Variants in PLEKHH2 observed in about 807,000 individuals in gnomAD.
The protein encoded by PLEKHH2 is pleckstrin homology domain-containing family H member 2.
Under a neutral mutation model 187.9 loss-of-function variants are expected in PLEKHH2, and 129 were observed. The ratio of observed to expected loss-of-function variants is 0.69; its 90% CI spans 0.59 to 0.79. The LOEUF (loss-of-function observed/expected upper bound fraction) is 0.79. Ranked by LOEUF, PLEKHH2 falls within the 30% of genes least tolerant of loss-of-function variation. The probability of loss-of-function intolerance (pLI) is 0.00; values close to 1 mark genes in which losing one functional copy is unlikely to be tolerated. For missense variants in PLEKHH2, 2,076 were observed against 1,751.2 expected (o/e 1.19, Z -3.31); for synonymous variants, 686 against 605.6 (o/e 1.13, Z -1.95).
intron 17 of PLEKHH2, among the ~76,000 whole-genome samples, 173 bp downstream of exon 17, chr2:43,726,624 G>A (rs1206783042): frequency 6.6e-6 from 1 of 152,130 alleles, no homozygotes; most frequent in African/African-American, 2.4e-5. Context: ...GTTCAAATAT[G>A]TCATTTTCTA....
At chr2:43,695,925 G>A (rs1669069326) in intron 6 of PLEKHH2, among the ~76,000 whole-genome samples, 1 of 152,108 alleles carries the variant, frequency 6.6e-6, no homozygotes, top group African/African-American at 2.4e-5. Flanking sequence ...ATTAATTGAG[G>A]GTAGCTCTGA....
chr2:43,707,353 T>C, intron 10 of PLEKHH2, 48 bp from the exon 11 acceptor site: 1 of 1,603,992 alleles, frequency 6.2e-7, no homozygotes, highest in Non-Finnish European at 8.5e-7. Flanking sequence ...CTTGGATGAG[T>C]GGTAACATTA....
chr2:43,651,350 A>C (rs1018154588), intron 2 of PLEKHH2, among the ~76,000 whole-genome samples: 1 of 152,186 alleles, frequency 6.6e-6, no homozygotes, highest in African/African-American at 2.4e-5. Flanking sequence ...TATAGGCGTG[A>C]GCCACCGCGC....
intron 1 of PLEKHH2, among the ~76,000 whole-genome samples, 194 bp from the exon 2 acceptor site, chr2:43,644,477 A>T (rs922329635): frequency 1.3e-5 from 2 of 152,098 alleles, no homozygotes; most frequent in African/African-American, 4.8e-5. Context: ...CCTATTTCCC[A>T]TTAAGTTCTT....
At chr2:43,715,735 T>TA (rs1670180970) in intron 15 of PLEKHH2, among the ~76,000 whole-genome samples, 1 of 152,160 alleles carries the variant, frequency 6.6e-6, no homozygotes, top group Non-Finnish European at 1.5e-5. Context: ...GGAGCAGTTT[T>TA]AGGAAGATTA....
chr2:43,710,405 C>A, intron 13 of PLEKHH2, 75 bp downstream of exon 13: 1 of 1,583,968 alleles, frequency 6.3e-7, no homozygotes, highest in Non-Finnish European at 8.6e-7. Flanking sequence ...ATTTCCTTCC[C>A]ATAATGCAAG....
Position 43,684,744 on chromosome 2 carries a change from T to A in PLEKHH2, c.186+5819T>A, listed in dbSNP as rs971838981. ...TGAGGATGTTGGGTATAAAGTTATT[T>A]AATTCTATGTGCTATATCTTTAAGC... On this transcript the variant is annotated intron_variant, in intron 3 of 29. Transcript: ENST00000282406. 2.6e-5 allele frequency among the ~76,000 whole-genome samples: 4 copies of A among 151,390 alleles called. 1 individual carries two copies. The highest frequency in any genetic ancestry group is 2.6e-4 in the Admixed American group (4 of 15,178).
rs952713065 is a variant in PLEKHH2 at position 43,720,775 on chromosome 2, A to G, written c.2541+26A>G. Reference sequence around the variant, plus strand: ...GTATGTATGTATTTTTAATATGCCAATTGAAGTAACTTTTTGTGTGTTAGG... The same window carrying G: ...GTATGTATGTATTTTTAATATGCCAGTTGAAGTAACTTTTTGTGTGTTAGG... On this transcript the variant is annotated intron_variant, in intron 16 of 29. Coordinates refer to ENST00000282406, the MANE Select transcript of PLEKHH2 (RefSeq NM_172069.4). 3.2e-6 allele frequency: 5 copies of G among 1,585,730 alleles called. No individual in the cohort carries two copies. The African/African-American group carries it at 4.1e-5, about 13-fold the overall frequency.
chr2:43,637,309 G>A lies in PLEKHH2; in HGVS notation c.-74G>A, dbSNP rs1290050323. 1 of 152,450 alleles carries A rather than the reference G, an allele frequency of 6.6e-6. No individual in the cohort carries two copies. The highest frequency in any genetic ancestry group is 1.5e-5 in the Non-Finnish European group (1 of 68,214). 9.4% of individuals were successfully genotyped at this position (152,450 alleles called of 1,614,324 possible). Reference sequence around the variant, plus strand: ...GAGGCGGGCGCGGGCTGAGAGTCCGGGGATCCCGGGGGCCAGTCGCGGCCG... The same window carrying A: ...GAGGCGGGCGCGGGCTGAGAGTCCGAGGATCCCGGGGGCCAGTCGCGGCCG... On this transcript the variant is annotated 5_prime_UTR_variant, in exon 1 of 30. Transcript: ENST00000282406.
At chr2:43,695,703 G>A (rs1669052146) in intron 6 of PLEKHH2, among the ~76,000 whole-genome samples, 1 of 152,104 alleles carries the variant, frequency 6.6e-6, no homozygotes, top group Admixed American at 6.6e-5. Flanking sequence ...AGAACACAGG[G>A]GACTTTACCA....
chr2:43,641,661 A>G (rs1665937019), intron 1 of PLEKHH2, among the ~76,000 whole-genome samples: 1 of 152,106 alleles, frequency 6.6e-6, no homozygotes, highest in Non-Finnish European at 1.5e-5. Flanking sequence ...ATTTTGTGTT[A>G]CTGTGTATAT....
At chr2:43,696,397 A>G (rs559178273) in intron 6 of PLEKHH2, among the ~76,000 whole-genome samples, 1 of 150,872 alleles carries the variant, frequency 6.6e-6, no homozygotes, top group East Asian at 2.0e-4. Flanking sequence ...GTGAGGTGGG[A>G]GGATCACTTG....
intron 7 of PLEKHH2, among the ~76,000 whole-genome samples, chr2:43,699,023 T>C: frequency 6.6e-6 from 1 of 152,300 alleles, no homozygotes; most frequent in East Asian, 1.9e-4. Flanking sequence ...AACTATAGCT[T>C]TGTATTTATT....
intron 16 of PLEKHH2, among the ~76,000 whole-genome samples, chr2:43,724,651 T>C (rs1670648928): frequency 6.6e-6 from 1 of 152,254 alleles, no homozygotes; most frequent in Admixed American, 6.5e-5. Context: ...CCTCCTTTAC[T>C]GGCATTTGGG....
At chr2:43,706,215 C>A (rs9678037) in intron 9 of PLEKHH2, 107 bp from the exon 10 acceptor site, 4 of 789,408 alleles carry the variant, frequency 5.1e-6, no homozygotes, top group East Asian at 2.5e-5. Context: ...ATGTATTAAT[C>A]GAATTGCTTT....
intron 3 of PLEKHH2, among the ~76,000 whole-genome samples, chr2:43,683,534 G>A (rs1668345473): frequency 6.6e-6 from 1 of 151,938 alleles, no homozygotes; most frequent in African/African-American, 2.4e-5. Context: ...TTAATTTATA[G>A]GGTCTTTTTT....
chr2:43,677,780 C>T (rs1442793031), intron 2 of PLEKHH2, among the ~76,000 whole-genome samples: 1 of 150,402 alleles, frequency 6.6e-6, no homozygotes, highest in Non-Finnish European at 1.5e-5. Context: ...GGTGGCTGGG[C>T]AGAGGCGCCC....
chr2:43,654,143 GTACATT>G (rs918735330), intron 2 of PLEKHH2, among the ~76,000 whole-genome samples: 1 of 152,156 alleles, frequency 6.6e-6, no homozygotes, highest in African/African-American at 2.4e-5. Flanking sequence ...GGCTAAAAGA[GTACATT>G]TACTTTTATT....
chr2:43,638,531 T>TG lies in PLEKHH2; in HGVS notation c.-4+1157dup, dbSNP rs970752689. Among the ~76,000 whole-genome samples the TG allele has an allele frequency of 4.6e-5, 7 of 152,308 alleles. No homozygotes were observed. The Middle Eastern group carries it at 0.01, about 222-fold the overall frequency. On this transcript the variant is annotated intron_variant, in intron 1 of 29. Coordinates refer to ENST00000282406, the MANE Select transcript of PLEKHH2 (RefSeq NM_172069.4). Reference sequence around the variant, plus strand: ...GTCAGTAAATACTTCCAAAAATCACTGGGGGTATTTGGAACTCCAAGACTT... The same window carrying TG: ...GTCAGTAAATACTTCCAAAAATCACTGGGGGGTATTTGGAACTCCAAGACTT...
Sources: allele counts gnomAD v4.1 joint callset (sites outside exome capture counted in the v4.1 genomes callset), GRCh38; gene constraint gnomAD v4.1.1; transcripts MANE v1.5; gene names NCBI Gene and HGNC (gene_info 2026-07-23, HGNC 2026-07-21).